Variants in GNL2 observed in about 807,000 individuals in gnomAD.
The protein encoded by GNL2 is G protein nucleolar 2.
Under a neutral mutation model 92.3 loss-of-function variants are expected in GNL2, and 51 were observed. That is an observed-to-expected ratio of 0.55 (90% CI 0.44 to 0.70). The LOEUF is 0.70. GNL2 is among the 30% of genes least tolerant of loss of function. The pLI, the probability that GNL2 is intolerant of heterozygous loss-of-function variation, is 0.00. For missense variants in GNL2, 844 were observed against 895.6 expected (o/e 0.94, Z 0.74); for synonymous variants, 283 against 300.6 (o/e 0.94, Z 0.61).
Position 37,577,397 on chromosome 1 carries a change from TC to T in GNL2, c.910-842del, listed in dbSNP as rs1643695729. On this transcript the variant is annotated intron_variant, in intron 8 of 15. Coordinates refer to ENST00000373062, the MANE Select transcript of GNL2 (RefSeq NM_013285.3). ...GAGGGCCTACAAACGAATGGAGGCT[TC>T]CGATTAAAGATGGTGGACTGAACAT... is the stretch of plus-strand genomic sequence containing the variant. Among the ~76,000 whole-genome samples the T allele has an allele frequency of 3.9e-5, 6 of 152,246 alleles. No individual in the cohort carries two copies. The East Asian group carries it at 1.2e-3, about 29-fold the overall frequency.
chr1:37,595,686 C>A, intron 1 of GNL2, 73 bp downstream of exon 1: 1 of 1,271,240 alleles, frequency 7.9e-7, no homozygotes, highest in East Asian at 2.3e-5. Context: ...CCCTCCTTCC[C>A]CTCCAGTGCT....
Position 37,575,200 on chromosome 1 carries a change from C to T in GNL2, c.1144-377G>A, listed in dbSNP as rs1643659818. Among the ~76,000 whole-genome samples the T allele has an allele frequency of 6.6e-6, 1 of 152,170 alleles. No homozygotes were observed. On this transcript the variant is annotated intron_variant, in intron 10 of 15. Coordinates refer to ENST00000373062, the MANE Select transcript of GNL2 (RefSeq NM_013285.3). This position sits in a 1 kb window ranked among gnomAD's most constrained non-coding sequence, Gnocchi z 4.1. ...GGAGGAATGTGTACAGGATGTATAG[C>T]CAGAAGCATGGTCAAGGTTAAGTGG...
chr1:37,583,947 C>CA lies in GNL2; in HGVS notation c.570-15dup. ...TGAGCTTCATTTCTAAATAAGAAAG[C>CA]ACCCCAAATGAGCAACTGAAGCACC... On this transcript the variant is annotated splice_polypyrimidine_tract_variant and intron_variant, in intron 5 of 15. Coordinates refer to ENST00000373062, the MANE Select transcript of GNL2 (RefSeq NM_013285.3). 1 of 1,445,810 alleles carries CA rather than the reference C, an allele frequency of 6.9e-7. No individual in the cohort carries two copies. The highest frequency in any genetic ancestry group is 9.8e-7 in the Non-Finnish European group (1 of 1,024,990). The allele number at this position is 1,445,810 out of a possible 1,614,324, so 89.6% of individuals were successfully genotyped here. A position where few individuals can be genotyped will look rare whatever the true frequency, so the allele number is the denominator to read the frequency against.
In GNL2 at chr1:37,582,226, T is replaced by C; in HGVS notation, c.906A>G (p.Gly302=). Reference sequence around the variant, plus strand: ...GAAACAGATCAGGGCTCAATACCTTTCCAAACTGCCGCAGAAGCTGAATGA... The same window carrying C: ...GAAACAGATCAGGGCTCAATACCTTCCCAAACTGCCGCAGAAGCTGAATGA... ...GAFIQLLRQF[G]KLHTDKKQIS... is the part of the protein sequence containing the mutation. Residue 302 remains glycine (G), a synonymous_variant, in exon 8 of 16, where the codon GGA becomes GGG. Coordinates refer to ENST00000373062, the MANE Select transcript of GNL2 (RefSeq NM_013285.3). 1 of 1,604,578 alleles carries C rather than the reference T, an allele frequency of 6.2e-7. No individual in the cohort carries two copies. Among genetic ancestry groups the C allele is most frequent in the South Asian group, 1.1e-5 (1 of 90,386 alleles).
Position 37,587,424 on chromosome 1 carries a change from T to C in GNL2, c.456A>G (p.Arg152=). ...TTFGPKSQRK[R]PNLFASDMQS... ...GCATATCACTTGCAAATAAGTTTGG[T>C]CGTTTCCTCTGTGACTTAGGGCCAA... Residue 152 remains arginine (R), a synonymous_variant, in exon 5 of 16, where the codon CGA becomes CGG. Transcript: ENST00000373062. 6.2e-7 allele frequency: 1 copy of C among 1,613,532 alleles called. No individual in the cohort carries two copies. The highest frequency in any genetic ancestry group is 1.3e-5 in the African/African-American group (1 of 75,034).
intron 4 of GNL2, among the ~76,000 whole-genome samples, chr1:37,587,851 T>C (rs190043242): frequency 6.6e-6 from 1 of 152,378 alleles, no homozygotes; most frequent in East Asian, 1.9e-4. Flanking sequence ...TGAAAATTAA[T>C]CTTTTCCACC....
chr1:37,594,464 G>C (rs1643909155), intron 1 of GNL2, among the ~76,000 whole-genome samples: 1 of 152,202 alleles, frequency 6.6e-6, no homozygotes, highest in Non-Finnish European at 1.5e-5. Context: ...AGAAAGAGAA[G>C]GACAAACGAA....
chr1:37,591,656 C>T (rs1570074296), intron 3 of GNL2, among the ~76,000 whole-genome samples: 1 of 151,982 alleles, frequency 6.6e-6, no homozygotes. Context: ...CAGGTGCCCA[C>T]CACAACACCT....
chr1:37,590,799 CT>C lies in GNL2; in HGVS notation c.290del (p.Glu97GlyfsTer7). ...GATCCTTCATAACTGTATCCATTTC[CT>C]CTTGAAATTTTTGTAATGATGACTG... ...IKQSSLQKFQ[E>X]EMDTVMKDPY... On this transcript the variant is annotated frameshift_variant, in exon 4 of 16. Transcript: ENST00000373062. LOFTEE classifies it high-confidence loss of function. The C allele has an allele frequency of 5.0e-6, 8 of 1,601,026 alleles. No individual in the cohort carries two copies. The highest frequency in any genetic ancestry group is 6.8e-6 in the Non-Finnish European group (8 of 1,173,740).
Position 37,569,304 on chromosome 1 carries a change from TA to T in GNL2, c.1417-3del. ...TTCCAAAGATGAGGAGGGTAGAAGC[TA>T]TTAAGGGGTGGAAATGGGGGAAATA... On this transcript the variant is annotated splice_region_variant and splice_polypyrimidine_tract_variant and intron_variant, in intron 12 of 15. Transcript: ENST00000373062. 1 of 1,582,574 alleles carries T rather than the reference TA, an allele frequency of 6.3e-7. No individual in the cohort carries two copies. The highest frequency in any genetic ancestry group is 1.1e-5 in the South Asian group (1 of 88,568).
At chr1:37,571,362 C>A (rs1423502048) in intron 12 of GNL2, among the ~76,000 whole-genome samples, 1 of 152,112 alleles carries the variant, frequency 6.6e-6, no homozygotes, top group Admixed American at 6.5e-5. Context: ...TTGATATGCA[C>A]CCCCATTGTT....
At chr1:37,582,199 G>T in intron 8 of GNL2, 24 bp downstream of exon 8, 1 of 1,462,152 alleles carries the variant, frequency 6.8e-7, no homozygotes, top group Non-Finnish European at 9.5e-7. Context: ...ACAACTCCAG[G>T]AGAAACAGAT....
chr1:37,584,013 C>CA (rs1169292313), intron 5 of GNL2, 80 bp from the exon 6 acceptor site: 74 of 822,194 alleles, frequency 9.0e-5, no homozygotes, highest in Non-Finnish European at 1.1e-4. Context: ...GTCAATGTAC[C>CA]AAAAAAAACA....
chr1:37,575,542 C>CTAT lies in GNL2; in HGVS notation c.1143+50_1143+52dup, dbSNP rs1643664719. 1.8e-6 allele frequency: 2 copies of CTAT among 1,108,824 alleles called. No homozygotes were observed. The highest frequency in any genetic ancestry group is 3.2e-5 in the African/African-American group (2 of 62,228). The allele number at this position is 1,108,824 out of a possible 1,614,324, so 68.7% of individuals were successfully genotyped here. A position where few individuals can be genotyped will look rare whatever the true frequency, so the allele number is the denominator to read the frequency against. ...AAAAAGGAAAGGTATCCAGGGTTCCCTATAGAACACTCCCCCGCAAACACA... is the reference window on the plus strand; with the variant it reads ...AAAAAGGAAAGGTATCCAGGGTTCCCTATTATAGAACACTCCCCCGCAAACACA... On this transcript the variant is annotated intron_variant, in intron 10 of 15. Transcript: ENST00000373062. This position sits in a 1 kb window ranked among gnomAD's most constrained non-coding sequence, Gnocchi z 4.1.
intron 14 of GNL2, 198 bp downstream of exon 14, chr1:37,568,077 G>T: frequency 1.7e-6 from 1 of 593,580 alleles, no homozygotes; most frequent in Non-Finnish European, 3.0e-6. Context: ...TTCCTGAATT[G>T]CCAATTTAAT....
intron 14 of GNL2, 199 bp downstream of exon 14, chr1:37,568,076 T>G: frequency 3.4e-6 from 2 of 595,860 alleles, no homozygotes; most frequent in Non-Finnish European, 6.0e-6. Context: ...TTTCCTGAAT[T>G]GCCAATTTAA....
At chr1:37,581,330 A>C (rs1037942964) in intron 8 of GNL2, 2 of 455,386 alleles carry the variant, frequency 4.4e-6, no homozygotes, top group Non-Finnish European at 8.8e-6. Flanking sequence ...ACAAATTCAA[A>C]ATGACAGGTA....
chr1:37,573,317 C>T (rs1643623515), intron 12 of GNL2, among the ~76,000 whole-genome samples: 1 of 152,224 alleles, frequency 6.6e-6, no homozygotes, highest in African/African-American at 2.4e-5. Context: ...ACTGTATGGA[C>T]CCAACGACAC....
chr1:37,594,641 A>G (rs1239851378), intron 1 of GNL2, among the ~76,000 whole-genome samples: 1 of 152,128 alleles, frequency 6.6e-6, no homozygotes, highest in Non-Finnish European at 1.5e-5. Flanking sequence ...TCCCCGGTTC[A>G]TGCAATTCTT....
Sources: gnomAD v4.1 joint callset for allele counts (sites outside exome capture counted in the v4.1 genomes callset) on GRCh38, gnomAD v4.1.1 for gene constraint, Gnocchi (gnomAD v3.1) non-coding constraint, MANE v1.5 for transcripts, NCBI Gene and HGNC (gene_info 2026-07-23, HGNC 2026-07-21) for gene names.